Variants in SMAD9 observed in about 807,000 individuals in gnomAD.
SMAD9 encodes the protein SMAD family member 9, also known as MAD homolog 9.
Under a neutral mutation model 46.1 loss-of-function variants are expected in SMAD9, and 36 were observed. The ratio of observed to expected loss-of-function variants is 0.78; its 90% CI spans 0.60 to 1.03. The LOEUF is 1.03. Among genes scored for constraint, SMAD9 ranks in the 50% least tolerant of loss-of-function variants. The pLI is 0.00. For missense variants in SMAD9, 572 were observed against 599.8 expected (o/e 0.95, Z 0.48); for synonymous variants, 245 against 237.1 (o/e 1.03, Z -0.31).
At chr13:36,912,250 C>A (rs2058667699) in intron 1 of SMAD9, among the ~76,000 whole-genome samples, 1 of 152,162 alleles carries the variant, frequency 6.6e-6, no homozygotes, top group Non-Finnish European at 1.5e-5. Flanking sequence ...ATTCCTTGCC[C>A]TTCCTTCCAC....
intron 1 of SMAD9, among the ~76,000 whole-genome samples, chr13:36,892,901 T>G (rs1394286326): frequency 6.6e-6 from 1 of 152,172 alleles, no homozygotes; most frequent in African/African-American, 2.4e-5. Flanking sequence ...GGCACTTTTT[T>G]GGGCCAGAAA....
chr13:36,909,027 C>A (rs1460402391), intron 1 of SMAD9, among the ~76,000 whole-genome samples: 1 of 152,202 alleles, frequency 6.6e-6, no homozygotes, highest in Non-Finnish European at 1.5e-5. Context: ...CATTTACTTA[C>A]ATCCCTAAAA....
rs2058226807 is a variant in SMAD9, at chr13:36,865,714, CCGAGCACCA to C, written c.817_825del (p.Trp273_Ser275del). 2 of 1,614,106 alleles carry C rather than the reference CCGAGCACCA, an allele frequency of 1.2e-6. No individual in the cohort carries two copies. Among genetic ancestry groups the C allele is most frequent in the East Asian group, 4.5e-5 (2 of 44,880 alleles). On this transcript the variant is annotated inframe_deletion, in exon 5 of 7. Coordinates refer to ENST00000379826, the MANE Select transcript of SMAD9 (RefSeq NM_001127217.3). ...CGGTTGTTCAGTTCATAGTAGGCGA[CCGAGCACCA>C]GTGCTGGGGCTCCTCGTAACAAACT...
At chr13:36,898,527 C>G (rs2058548236) in intron 1 of SMAD9, among the ~76,000 whole-genome samples, 2 of 152,072 alleles carry the variant, frequency 1.3e-5, no homozygotes, top group African/African-American at 4.8e-5. Context: ...ATTAGCAAAT[C>G]ACACCCAGCA....
intron 4 of SMAD9, 96 bp from the exon 5 acceptor site, chr13:36,865,854 A>G: frequency 9.5e-7 from 1 of 1,056,132 alleles, no homozygotes; most frequent in Non-Finnish European, 1.4e-6. Context: ...GCTTTTCACC[A>G]GAAAGTCGGC....
intron 2 of SMAD9, among the ~76,000 whole-genome samples, chr13:36,873,670 C>T (rs1873467607): frequency 6.6e-6 from 1 of 152,146 alleles, no homozygotes; most frequent in African/African-American, 2.4e-5. Flanking sequence ...TGAGACCAGC[C>T]TAGCCAACGT....
intron 3 of SMAD9, among the ~76,000 whole-genome samples, chr13:36,869,913 A>G (rs1329920677): frequency 6.6e-6 from 1 of 152,184 alleles, no homozygotes; most frequent in Non-Finnish European, 1.5e-5. Context: ...GAAACCACTG[A>G]ATTGTACATT....
At chr13:36,871,688 C>T (rs2058296941) in intron 3 of SMAD9, among the ~76,000 whole-genome samples, 1 of 152,060 alleles carries the variant, frequency 6.6e-6, no homozygotes, top group Non-Finnish European at 1.5e-5. Context: ...TAATATAGTG[C>T]AACAAATATA....
rs961468238 is a variant in SMAD9 at position 36,846,712 on chromosome 13, G to T, written c.*1964C>A. On this transcript the variant is annotated 3_prime_UTR_variant, in exon 7 of 7. Coordinates refer to ENST00000379826, the MANE Select transcript of SMAD9 (RefSeq NM_001127217.3). The stretch of plus-strand genomic sequence containing the variant: ...AACAACTTTGAGACATGGAAGAAAA[G>T]TAGCATTTATACAAGGAATCCATTA... 1 of 152,150 alleles carries T rather than the reference G, an allele frequency of 6.6e-6. No individual in the cohort carries two copies. Among genetic ancestry groups the T allele is most frequent in the Non-Finnish European group, 1.5e-5 (1 of 68,020 alleles). The allele number at this position is 152,150 out of a possible 1,614,324, so 9.4% of individuals were successfully genotyped here. A position where few individuals can be genotyped will look rare whatever the true frequency, so the allele number is the denominator to read the frequency against.
chr13:36,894,419 G>A (rs919346753), intron 1 of SMAD9, among the ~76,000 whole-genome samples: 1 of 152,094 alleles, frequency 6.6e-6, no homozygotes, highest in Admixed American at 6.6e-5. Flanking sequence ...GGCCTCTTCA[G>A]CCATGCAGAA....
At chr13:36,873,080 A>G (rs1218526866) in intron 2 of SMAD9, among the ~76,000 whole-genome samples, 165 bp from the exon 3 acceptor site, 2 of 152,178 alleles carry the variant, frequency 1.3e-5, no homozygotes, top group Non-Finnish European at 2.9e-5. Flanking sequence ...ACTGTCGATT[A>G]AGTCCCCATC....
intron 4 of SMAD9, among the ~76,000 whole-genome samples, chr13:36,866,055 T>C (rs2058231191): frequency 6.6e-6 from 1 of 152,060 alleles, no homozygotes; most frequent in African/African-American, 2.4e-5. Context: ...CATGAACAGA[T>C]GAACATAAAA....
Position 36,848,185 on chromosome 13 carries a change from TTTG to T in SMAD9, c.*488_*490del, listed in dbSNP as rs1019501256. 1.9e-5 allele frequency: 3 copies of T among 161,560 alleles called. No individual in the cohort carries two copies. The highest frequency in any genetic ancestry group is 4.1e-5 in the Non-Finnish European group (3 of 73,554). 10.0% of individuals were successfully genotyped at this position (161,560 alleles called of 1,614,324 possible). A position where few individuals can be genotyped will look rare whatever the true frequency, so the allele number is the denominator to read the frequency against. ...CTATCTCATTAATTCATTGTACAAG[TTTG>T]TTGTTTTTTTTTTCTTGCCAACAGC... On this transcript the variant is annotated 3_prime_UTR_variant, in exon 7 of 7. Coordinates refer to ENST00000379826, the MANE Select transcript of SMAD9 (RefSeq NM_001127217.3).
intron 1 of SMAD9, among the ~76,000 whole-genome samples, chr13:36,919,740 G>A (rs1231247315): frequency 1.4e-5 from 2 of 143,352 alleles, no homozygotes; most frequent in Non-Finnish European, 3.0e-5. Flanking sequence ...CCCGGGGCCC[G>A]CGGCGCGGGC....
chr13:36,883,841 T>G (rs906409849), intron 1 of SMAD9, among the ~76,000 whole-genome samples: 2 of 152,234 alleles, frequency 1.3e-5, no homozygotes, highest in African/African-American at 4.8e-5. Context: ...ATAGTCTCAC[T>G]TTTGTAAGAA....
chr13:36,844,939 TAGAC>T lies in SMAD9; in HGVS notation c.*3733_*3736del, dbSNP rs751167827. 1.4e-4 allele frequency: 22 copies of T among 152,302 alleles called. No individual in the cohort carries two copies. The highest frequency in any genetic ancestry group is 9.7e-4 in the East Asian group (5 of 5,180). The allele number at this position is 152,302 out of a possible 1,614,324, so 9.4% of individuals were successfully genotyped here. On this transcript the variant is annotated 3_prime_UTR_variant, in exon 7 of 7. Transcript: ENST00000379826. ...AATAGAAAGCATGACTTCACTCAAA[TAGAC>T]AGTTTCTTTGTTGTTGTTAATCTGT...
intron 1 of SMAD9, among the ~76,000 whole-genome samples, chr13:36,891,745 G>A (rs1159847992): frequency 2.6e-5 from 4 of 152,134 alleles, no homozygotes; most frequent in Admixed American, 6.5e-5. Context: ...TCTCCAGGTG[G>A]AAGTCTGAAA....
intron 1 of SMAD9, among the ~76,000 whole-genome samples, chr13:36,896,731 C>A (rs1380607529): frequency 6.6e-6 from 1 of 151,070 alleles, no homozygotes; most frequent in Non-Finnish European, 1.5e-5. Flanking sequence ...TGTTTATCCA[C>A]CCAGAGAAAC....
Position 36,858,035 on chromosome 13 carries a change from G to T in SMAD9, c.1004-4360C>A, listed in dbSNP as rs141142774. The stretch of plus-strand genomic sequence containing the variant: ...ATGGGAAAAAGGATATGAAGCATGA[G>T]ATTTGCTCTAAAATATTCTAGCAAA... On this transcript the variant is annotated intron_variant, in intron 5 of 6. Transcript: ENST00000379826. 6.3e-3 allele frequency among the ~76,000 whole-genome samples: 964 copies of T among 152,208 alleles called. 6 individuals are homozygous for T. Among genetic ancestry groups the T allele is most frequent in the African/African-American group, 0.021 (884 of 41,518 alleles).
Sources: allele counts gnomAD v4.1 joint callset (sites outside exome capture counted in the v4.1 genomes callset), GRCh38; gene constraint gnomAD v4.1.1; transcripts MANE v1.5; gene names NCBI Gene and HGNC (gene_info 2026-07-23, HGNC 2026-07-21).